The following SIN3A variants were observed in gnomAD, a reference collection of about 807,000 sequenced individuals.
SIN3A encodes paired amphipathic helix protein Sin3a.
Under a neutral mutation model 146.1 loss-of-function variants are expected in SIN3A, and 14 were observed. That is an observed-to-expected ratio of 0.10 (90% confidence interval 0.06 to 0.15). SIN3A has a LOEUF of 0.15. SIN3A is among the 10% of genes least tolerant of loss of function. The pLI, the probability that SIN3A is intolerant of heterozygous loss-of-function variation, is 1.00. For missense variants in SIN3A, 1,028 were observed against 1,576.0 expected (o/e 0.65, Z 5.89); for synonymous variants, 572 against 572.0 (o/e 1.00, Z 0.00).
chr15:75,403,354 CA>C (rs2073448324), intron 9 of SIN3A, among the ~76,000 whole-genome samples: 1 of 151,216 alleles, frequency 6.6e-6, no homozygotes, highest in African/African-American at 2.4e-5. Flanking sequence ...CGCTTGAACC[CA>C]GGAGGCAGAG....
At chr15:75,418,622 C>A (rs950414306) in intron 3 of SIN3A, among the ~76,000 whole-genome samples, 3 of 150,872 alleles carry the variant, frequency 2.0e-5, no homozygotes, top group Non-Finnish European at 4.4e-5. Context: ...ACCCGGCCAG[C>A]ACCTTGATTT....
intron 9 of SIN3A, among the ~76,000 whole-genome samples, chr15:75,403,143 C>G (rs1341119990): frequency 6.6e-6 from 1 of 151,936 alleles, no homozygotes; most frequent in African/African-American, 2.4e-5. Flanking sequence ...AATTTTCCAG[C>G]TGGGCGCAGT....
intron 3 of SIN3A, chr15:75,420,393 G>GT (rs1257219740): frequency 6.6e-6 from 1 of 150,694 alleles, no homozygotes; most frequent in African/African-American, 2.4e-5. Context: ...TTTTTTGTTT[G>GT]TTTTTTCTGA....
chr15:75,436,675 A>G lies in SIN3A; in HGVS notation c.-33-6267T>C, dbSNP rs568395067. Among the ~76,000 whole-genome samples the G allele has an allele frequency of 9.9e-5, 15 of 152,258 alleles. 2 individuals carry two copies. In the South Asian group the frequency reaches 3.1e-3, roughly 32 times the overall value. ...GTGTATATGGGTGTTCATTATATTT[A>G]CTAAAATTCTATCAACTTTGTTGTG... On this transcript the variant is annotated intron_variant, in intron 1 of 20. Transcript: ENST00000394947.
At chr15:75,427,430 A>G (rs898756510) in intron 2 of SIN3A, among the ~76,000 whole-genome samples, 18 of 151,950 alleles carry the variant, frequency 1.2e-4, no homozygotes, top group Admixed American at 6.6e-5. Context: ...AGCACTTTGG[A>G]AGGCAGACAG....
At chr15:75,388,683 A>G (rs374832134) in intron 16 of SIN3A, 2 of 152,322 alleles carry the variant, frequency 1.3e-5, no homozygotes, top group African/African-American at 4.8e-5. Flanking sequence ...TAGTACGTCT[A>G]TAAGAAGGAG....
At chr15:75,411,982 T>G (rs901980687) in intron 5 of SIN3A, among the ~76,000 whole-genome samples, 4 of 152,204 alleles carry the variant, frequency 2.6e-5, no homozygotes, top group African/African-American at 9.6e-5. Flanking sequence ...ACTGGAGCCA[T>G]CTCCAATTAC....
chr15:75,392,018 A>G (rs2073213524), intron 15 of SIN3A, among the ~76,000 whole-genome samples: 1 of 152,190 alleles, frequency 6.6e-6, no homozygotes. Flanking sequence ...AGTACCAACC[A>G]CTGACCAAGT....
chr15:75,378,862 ATAT>A (rs964157288), intron 19 of SIN3A, among the ~76,000 whole-genome samples: 1 of 148,400 alleles, frequency 6.7e-6, no homozygotes, highest in African/African-American at 2.5e-5. Context: ...TCATTAAAAA[ATAT>A]TATTTAAGAA....
chr15:75,379,909 G>A (rs1396261271), intron 19 of SIN3A, among the ~76,000 whole-genome samples: 4 of 152,226 alleles, frequency 2.6e-5, no homozygotes, highest in African/African-American at 9.6e-5. Context: ...TGAAAAGCCT[G>A]CTTATAAAAG....
chr15:75,447,365 A>C (rs2141635015), intron 1 of SIN3A, among the ~76,000 whole-genome samples: 1 of 152,332 alleles, frequency 6.6e-6, no homozygotes, highest in Non-Finnish European at 1.5e-5. Flanking sequence ...ACATATGAAA[A>C]AGACACAGAA....
chr15:75,416,031 T>A, intron 3 of SIN3A: 1 of 320,124 alleles, frequency 3.1e-6, no homozygotes, highest in Non-Finnish European at 6.0e-6. Flanking sequence ...AACATGTGCA[T>A]TTTTGGTAAC....
chr15:75,396,887 G>C (rs1233981958), intron 12 of SIN3A, among the ~76,000 whole-genome samples: 1 of 152,148 alleles, frequency 6.6e-6, no homozygotes, highest in Non-Finnish European at 1.5e-5. Context: ...ACGTTTCCCT[G>C]AACTTTCCTG....
At chr15:75,453,148 C>T (rs983053671), upstream of SIN3A, 3 of 152,338 alleles carry the variant, frequency 2.0e-5, no homozygotes, top group Non-Finnish European at 4.4e-5. Flanking sequence ...CCAGGGAACC[C>T]ACGCCTAGGT....
At chr15:75,448,804 C>G in intron 1 of SIN3A, among the ~76,000 whole-genome samples, 1 of 152,226 alleles carries the variant, frequency 6.6e-6, no homozygotes, top group Admixed American at 6.5e-5. Context: ...CTTGTCTGCT[C>G]CCACTGAAGA....
chr15:75,389,455 TG>T (rs560179720), intron 16 of SIN3A, among the ~76,000 whole-genome samples, 196 bp downstream of exon 16: 48 of 152,214 alleles, frequency 3.2e-4, no homozygotes, highest in Admixed American at 5.2e-4. Flanking sequence ...AGAAAGGATA[TG>T]GGGTAGGCAG....
intron 2 of SIN3A, among the ~76,000 whole-genome samples, chr15:75,428,016 T>TA (rs979865683): frequency 4.6e-5 from 7 of 151,354 alleles, no homozygotes; most frequent in African/African-American, 1.7e-4. Context: ...AAATAAAAAA[T>TA]AAAAAAACCA....
At chr15:75,389,482 C>G (rs1348052292) in intron 16 of SIN3A, among the ~76,000 whole-genome samples, 170 bp downstream of exon 16, 1 of 152,132 alleles carries the variant, frequency 6.6e-6, no homozygotes, top group Admixed American at 6.6e-5. Flanking sequence ...TACACTGCAA[C>G]TTTGTTAACA....
intron 3 of SIN3A, 61 bp from the exon 4 acceptor site, chr15:75,414,372 A>G: frequency 1.2e-6 from 1 of 867,654 alleles, no homozygotes. Context: ...TACAAAAAAA[A>G]AACAAAAACA....
Sources: gnomAD v4.1 joint callset for allele counts (sites outside exome capture counted in the v4.1 genomes callset) on GRCh38, gnomAD v4.1.1 for gene constraint, MANE v1.5 for transcripts, NCBI Gene and HGNC (gene_info 2026-07-23, HGNC 2026-07-21) for gene names.